Variants in SCMH1 observed in about 807,000 individuals in gnomAD.
SCMH1 encodes the protein Scm polycomb group protein homolog 1.
SCMH1 carries 37 observed loss-of-function variants against 70.8 expected under a neutral mutation model. The ratio of observed to expected loss-of-function variants is 0.52; its 90% CI spans 0.40 to 0.69. The LOEUF (loss-of-function observed/expected upper bound fraction) is 0.69. SCMH1 is among the 30% of genes least tolerant of loss of function. The pLI, the probability that SCMH1 is intolerant of heterozygous loss-of-function variation, is 0.00. For synonymous variants in SCMH1, 292 were observed against 307.4 expected (o/e 0.95, Z 0.52); for missense variants, 607 against 827.3 (o/e 0.73, Z 3.27).
intron 8 of SCMH1, among the ~76,000 whole-genome samples, chr1:41,108,050 A>C (rs1668438391): frequency 6.6e-6 from 1 of 152,158 alleles, no homozygotes; most frequent in Middle Eastern, 3.2e-3. Flanking sequence ...CCGATTTTGA[A>C]ATTTTTGCTT....
At position 41,089,792 on chromosome 1, in the gene SCMH1, T is replaced by C. The variant is rs1253102912; in HGVS notation, c.746-14341A>G. On this transcript the variant is annotated intron_variant, in intron 8 of 14. Transcript: ENST00000337495. ...CCACTCTAACCATGTTGTCTCTTTT[T>C]TTTTTTTTTTTTTTTTTGAGACAGA... Among the ~76,000 whole-genome samples, 56 of 104,472 alleles carry C rather than the reference T, an allele frequency of 5.4e-4. 1 individual carries two copies. Among genetic ancestry groups the C allele is most frequent in the African/African-American group, 2.1e-3 (53 of 24,688 alleles). The allele number at this position is 104,472 out of a possible 152,430, so 68.5% of individuals were successfully genotyped here.
chr1:41,089,787 C>CTTTTTT lies in SCMH1; in HGVS notation c.746-14342_746-14337dup, dbSNP rs373229472. ...TTATTCCACTCTAACCATGTTGTCT[C>CTTTTTT]TTTTTTTTTTTTTTTTTTTTTTGAG... On this transcript the variant is annotated intron_variant, in intron 8 of 14. Coordinates refer to ENST00000337495, the Ensembl canonical transcript of SCMH1. Among the ~76,000 whole-genome samples the CTTTTTT allele has an allele frequency of 1.2e-3, 68 of 58,750 alleles. 9 individuals carry two copies. Among genetic ancestry groups the CTTTTTT allele is most frequent in the Non-Finnish European group, 1.5e-3 (50 of 34,140 alleles). 38.5% of individuals were successfully genotyped at this position (58,750 alleles called of 152,430 possible). A position where few individuals can be genotyped will look rare whatever the true frequency, so the allele number is the denominator to read the frequency against.
intron 1 of SCMH1, among the ~76,000 whole-genome samples, chr1:41,215,374 C>T (rs541987816): frequency 3.0e-4 from 45 of 152,288 alleles, no homozygotes; most frequent in African/African-American, 1.0e-3. Context: ...CACCAGAACC[C>T]TTGGCACAGT....
At chr1:41,059,500 C>G (rs940305784) in intron 10 of SCMH1, among the ~76,000 whole-genome samples, 1 of 152,168 alleles carries the variant, frequency 6.6e-6, no homozygotes, top group African/African-American at 2.4e-5. Context: ...TCTTCCCACT[C>G]CATCCCCTTT....
chr1:41,204,747 C>G (rs888451228), intron 1 of SCMH1, among the ~76,000 whole-genome samples: 1 of 152,180 alleles, frequency 6.6e-6, no homozygotes, highest in Non-Finnish European at 1.5e-5. Context: ...TAGCAGTTAG[C>G]ACCATTTAAT....
intron 1 of SCMH1, among the ~76,000 whole-genome samples, chr1:41,210,578 T>C (rs2148793866): frequency 6.6e-6 from 1 of 152,230 alleles, no homozygotes; most frequent in East Asian, 1.9e-4. Context: ...TCTGATCTTT[T>C]GCAAACCTGA....
intron 1 of SCMH1, among the ~76,000 whole-genome samples, chr1:41,212,030 G>A (rs1403569476): frequency 6.6e-6 from 1 of 152,116 alleles, no homozygotes; most frequent in Non-Finnish European, 1.5e-5. Flanking sequence ...GTAGGGAGCT[G>A]GGGGAGGGAT....
chr1:41,219,018 G>C (rs1658680511), intron 1 of SCMH1, among the ~76,000 whole-genome samples: 2 of 152,070 alleles, frequency 1.3e-5, no homozygotes, highest in Admixed American at 1.3e-4. Flanking sequence ...ATGATTAGAG[G>C]GCTGGGGCTT....
intron 1 of SCMH1, among the ~76,000 whole-genome samples, chr1:41,230,034 G>A (rs961348133): frequency 6.6e-6 from 1 of 152,154 alleles, no homozygotes; most frequent in East Asian, 1.9e-4. Flanking sequence ...ACTTAGCTAG[G>A]GGATGGTGGC....
chr1:41,074,470 A>C (rs888915188), intron 9 of SCMH1, among the ~76,000 whole-genome samples: 2 of 152,206 alleles, frequency 1.3e-5, no homozygotes, highest in Non-Finnish European at 2.9e-5. Flanking sequence ...TCTGACACTT[A>C]GTAGGTATTC....
chr1:41,191,752 T>TA (rs1397979549), intron 1 of SCMH1, among the ~76,000 whole-genome samples: 2 of 152,112 alleles, frequency 1.3e-5, no homozygotes, highest in African/African-American at 2.4e-5. Flanking sequence ...TGTATTTTTT[T>TA]AAAAAAATTG....
intron 5 of SCMH1, 40 bp from the exon 6 acceptor site, chr1:41,143,152 T>C (rs781158381): frequency 1.3e-6 from 2 of 1,510,938 alleles, no homozygotes; most frequent in South Asian, 2.3e-5. Context: ...AGATTAAGAG[T>C]AAAACCCCAA....
chr1:41,145,988 C>A (rs773899400), intron 5 of SCMH1, among the ~76,000 whole-genome samples: 5 of 151,924 alleles, frequency 3.3e-5, no homozygotes, highest in Admixed American at 6.6e-5. Context: ...ATTCTTTATA[C>A]GAAAATAAAA....
chr1:41,150,991 G>T (rs1645032460), intron 5 of SCMH1, among the ~76,000 whole-genome samples: 1 of 147,922 alleles, frequency 6.8e-6, no homozygotes, highest in Non-Finnish European at 1.5e-5. Context: ...AACCTGAAAT[G>T]TTGACAGTTT....
chr1:41,100,556 CT>C (rs745502381), intron 8 of SCMH1, among the ~76,000 whole-genome samples: 1 of 42,406 alleles, frequency 2.4e-5, no homozygotes, highest in Non-Finnish European at 3.6e-5. Flanking sequence ...ATAGCCTTTT[CT>C]TTTCTTTTTC....
intron 10 of SCMH1, among the ~76,000 whole-genome samples, chr1:41,060,179 A>C (rs1399806495): frequency 1.3e-5 from 2 of 152,090 alleles, no homozygotes; most frequent in African/African-American, 4.8e-5. Context: ...AGATTCAGGA[A>C]GCTCAGAGAA....
chr1:41,172,082 C>T (rs1646817459), intron 2 of SCMH1, among the ~76,000 whole-genome samples: 1 of 150,968 alleles, frequency 6.6e-6, no homozygotes, highest in African/African-American at 2.4e-5. Context: ...GTCCCAACTA[C>T]TTGGAGGCTG....
chr1:41,115,904 C>A (rs559039114), intron 7 of SCMH1, among the ~76,000 whole-genome samples: 2 of 152,252 alleles, frequency 1.3e-5, no homozygotes, highest in South Asian at 4.2e-4. Flanking sequence ...TAGCATATAG[C>A]TAGATTTTTA....
intron 1 of SCMH1, among the ~76,000 whole-genome samples, chr1:41,210,385 G>T (rs923173984): frequency 6.6e-6 from 1 of 152,114 alleles, no homozygotes; most frequent in Non-Finnish European, 1.5e-5. Flanking sequence ...AACCAAAAAA[G>T]AGCCCACATA....
Sources: allele counts gnomAD v4.1 joint callset (sites outside exome capture counted in the v4.1 genomes callset), GRCh38; gene constraint gnomAD v4.1.1; transcripts MANE v1.5; gene names NCBI Gene and HGNC (gene_info 2026-07-23, HGNC 2026-07-21).